Variants in ST14 observed in about 807,000 individuals in gnomAD.
ST14 encodes the protein ST14 transmembrane serine protease matriptase.
Under a neutral mutation model 96.5 loss-of-function variants are expected in ST14, and 40 were observed. That is an observed-to-expected ratio of 0.41 (90% CI 0.32 to 0.54). The LOEUF is 0.54. ST14 is among the 20% of genes least tolerant of loss of function. ST14 has a pLI of 0.17. For missense variants in ST14, 1,066 were observed against 1,188.9 expected (o/e 0.90, Z 1.52); for synonymous variants, 506 against 492.1 (o/e 1.03, Z -0.37).
rs765086490 is a variant in ST14, at chr11:130,188,183, G to A, written c.151G>A (p.Gly51Ser). 1 of 1,614,220 alleles carries A rather than the reference G, an allele frequency of 6.2e-7. No homozygotes were observed. The highest frequency in any genetic ancestry group is 1.1e-5 in the South Asian group (1 of 91,084). Residue 51 changes from glycine to serine, a missense_variant, in exon 2 of 19, where the codon GGC (glycine) becomes AGC (serine). Coordinates refer to ENST00000278742, the MANE Select transcript of ST14 (RefSeq NM_021978.4). The surrounding 1 kb of genome is among the most constrained non-coding windows in gnomAD (Gnocchi z 5.4). ...VNNVKKVEKH[G>S]PGRWVVLAAV... ...CAACGTCAAGAAGGTGGAAAAGCAT[G>A]GCCCGGGGCGCTGGGTGGTGCTGGC...
intron 7 of ST14, among the ~76,000 whole-genome samples, chr11:130,191,632 G>A (rs1028409613): frequency 4.7e-5 from 7 of 149,610 alleles, no homozygotes; most frequent in African/African-American, 1.7e-4. Flanking sequence ...AGAGGTTGCA[G>A]TGAGCCGAGA....
intron 11 of ST14, 194 bp downstream of exon 11, chr11:130,196,894 G>C: frequency 1.3e-6 from 1 of 771,174 alleles, no homozygotes; most frequent in South Asian, 1.7e-5. Flanking sequence ...GGCTGTGAGC[G>C]CTGGCACACA....
At chr11:130,171,503 C>T (rs1953092129) in intron 1 of ST14, among the ~76,000 whole-genome samples, 1 of 152,184 alleles carries the variant, frequency 6.6e-6, no homozygotes, top group African/African-American at 2.4e-5. Flanking sequence ...GATAAATACT[C>T]AGAAGTGGGC....
At chr11:130,176,767 A>AT (rs1417758152) in intron 1 of ST14, among the ~76,000 whole-genome samples, 3 of 52,952 alleles carry the variant, frequency 5.7e-5, no homozygotes, top group African/African-American at 1.2e-4. Flanking sequence ...AAGTACAGGG[A>AT]TTTTTTCTTT....
chr11:130,179,608 G>A (rs780470963), intron 1 of ST14, among the ~76,000 whole-genome samples: 5 of 152,162 alleles, frequency 3.3e-5, no homozygotes, highest in South Asian at 4.1e-4. Context: ...GAGCTTCCCC[G>A]GGGCTGCTGA....
rs779074835 is a variant in ST14 at position 130,164,098 on chromosome 11, A to G, written c.81+4038A>G. Reference sequence around the variant, plus strand: ...GTGGTTCTGCCAAGGCTGGTGGCTCATGTCTCTTTTAAAAGAGAAGTTGTC... The same window carrying G: ...GTGGTTCTGCCAAGGCTGGTGGCTCGTGTCTCTTTTAAAAGAGAAGTTGTC... On this transcript the variant is annotated intron_variant, in intron 1 of 18. Transcript: ENST00000278742. Among the ~76,000 whole-genome samples the G allele has an allele frequency of 3.3e-5, 5 of 152,206 alleles. No homozygotes were observed. The South Asian group carries it at 8.3e-4, about 25-fold the overall frequency.
At chr11:130,192,964 G>C (rs1340627457) in intron 7 of ST14, among the ~76,000 whole-genome samples, 1 of 152,176 alleles carries the variant, frequency 6.6e-6, no homozygotes, top group Non-Finnish European at 1.5e-5. Flanking sequence ...TTAACCATGA[G>C]ATGTTGGGCA....
chr11:130,208,361 T>TGCACAGACCCGAGTGACC, intron 16 of ST14, 49 bp from the exon 17 acceptor site: 1 of 1,613,334 alleles, frequency 6.2e-7, no homozygotes, highest in South Asian at 1.1e-5. Context: ...CGAGGCCGTG[T>TGCACAGACCCGAGTGACC]GCACAGACCC....
At chr11:130,183,761 TA>T (rs1009022507) in intron 1 of ST14, among the ~76,000 whole-genome samples, 10 of 152,338 alleles carry the variant, frequency 6.6e-5, no homozygotes, top group African/African-American at 2.4e-4. Context: ...GAAGCTATTG[TA>T]AATGGTGTCT....
At chr11:130,198,801 G>A (rs1953397128) in intron 14 of ST14, 146 bp from the exon 15 acceptor site, 1 of 1,538,794 alleles carries the variant, frequency 6.5e-7, no homozygotes, top group Non-Finnish European at 8.9e-7. Flanking sequence ...ACCTGTAGCA[G>A]GGCAGGGAGG....
At position 130,191,582 on chromosome 11, in the gene ST14, C is replaced by T. The variant is rs192567679; in HGVS notation, c.875+888C>T. On this transcript the variant is annotated intron_variant, in intron 7 of 18. Coordinates refer to ENST00000278742, the MANE Select transcript of ST14 (RefSeq NM_021978.4). Reference sequence around the variant, plus strand: ...GCGGGCGCCTGTAATCCCAGCTACTCGGGAGGCCAAGGCGGGAGAATCACT... The same window carrying T: ...GCGGGCGCCTGTAATCCCAGCTACTTGGGAGGCCAAGGCGGGAGAATCACT... Among the ~76,000 whole-genome samples the T allele has an allele frequency of 8.3e-3, 1,252 of 150,144 alleles. 41 individuals carry two copies. The highest frequency in any genetic ancestry group is 0.057 in the Admixed American group (855 of 15,014).
chr11:130,175,949 C>T (rs1953133612), intron 1 of ST14, among the ~76,000 whole-genome samples: 1 of 152,254 alleles, frequency 6.6e-6, no homozygotes, highest in South Asian at 2.1e-4. Context: ...AGGCGTGAGC[C>T]ACCACATCCA....
At chr11:130,202,360 C>T (rs1194335252) in intron 16 of ST14, among the ~76,000 whole-genome samples, 1 of 152,190 alleles carries the variant, frequency 6.6e-6, no homozygotes, top group Admixed American at 6.5e-5. Context: ...TTGTGGGTCA[C>T]AGACTTGTAA....
At chr11:130,163,856 T>C (rs1953021122) in intron 1 of ST14, among the ~76,000 whole-genome samples, 1 of 152,158 alleles carries the variant, frequency 6.6e-6, no homozygotes, top group Non-Finnish European at 1.5e-5. Context: ...GTGGAAATGG[T>C]CAGAGGGTGG....
intron 16 of ST14, among the ~76,000 whole-genome samples, chr11:130,203,617 T>A (rs1032834159): frequency 2.6e-5 from 4 of 152,238 alleles, no homozygotes; most frequent in Non-Finnish European, 5.9e-5. Flanking sequence ...GCCTTCCCCA[T>A]GCTCAGTGTG....
chr11:130,197,846 C>G lies in ST14; in HGVS notation c.1360C>G (p.Pro454Ala), dbSNP rs1157832675. The change falls in exon 12 of 19, where the codon CCG (proline) becomes GCG (alanine). Residue 454 changes from proline to alanine, a missense_variant. Physicochemically the swap from Pro to Ala is conservative, Grantham distance 27 (BLOSUM62 -1). Coordinates refer to ENST00000278742, the MANE Select transcript of ST14 (RefSeq NM_021978.4). ...AGGCCTGCCTGTGCCCGCAGCATGC[C>G]CGGGGCAGTTCACGTGCCGCACGGG... Reference protein sequence around the residue: ...YLSYDSSDPCPGQFTCRTGRC... With the variant: ...YLSYDSSDPCAGQFTCRTGRC... 2 of 1,575,464 alleles carry G rather than the reference C, an allele frequency of 1.3e-6. No individual in the cohort carries two copies. The highest frequency in any genetic ancestry group is 1.7e-6 in the Non-Finnish European group (2 of 1,164,752).
At chr11:130,199,141 G>C in intron 15 of ST14, 72 bp downstream of exon 15, 7 of 1,486,700 alleles carry the variant, frequency 4.7e-6, no homozygotes, top group Non-Finnish European at 6.4e-6. Context: ...GGTGCACCTG[G>C]AGGTGCAATC....
intron 11 of ST14, among the ~76,000 whole-genome samples, 154 bp from the exon 12 acceptor site, chr11:130,197,687 G>A (rs189335126): frequency 1.8e-4 from 27 of 152,350 alleles, no homozygotes; most frequent in African/African-American, 6.5e-4. Flanking sequence ...CTTTGTCACA[G>A]CTTGGTGGGC....
intron 1 of ST14, among the ~76,000 whole-genome samples, chr11:130,168,127 T>C (rs1953058147): frequency 6.6e-6 from 1 of 152,266 alleles, no homozygotes. Flanking sequence ...CATATCATTC[T>C]TTCCATCTTC....
Sources: allele counts gnomAD v4.1 joint callset (sites outside exome capture counted in the v4.1 genomes callset), GRCh38; gene constraint gnomAD v4.1.1; non-coding constraint Gnocchi (gnomAD v3.1); transcripts MANE v1.5; gene names NCBI Gene and HGNC (gene_info 2026-07-23, HGNC 2026-07-21).